HIP1: variants seen among roughly 807,000 people sequenced by gnomAD.
The protein encoded by HIP1 is huntingtin interacting protein 1, also known as huntingtin-interacting protein 1.
Under a neutral mutation model 147.6 loss-of-function variants are expected in HIP1, and 65 were observed. That is an observed-to-expected ratio of 0.44 (90% CI 0.36 to 0.54). The LOEUF is 0.54. Among genes scored for constraint, HIP1 ranks in the 20% least tolerant of loss-of-function variants. The pLI is 0.00. For synonymous variants in HIP1, 479 were observed against 504.0 expected (o/e 0.95, Z 0.67); for missense variants, 1,061 against 1,299.6 (o/e 0.82, Z 2.82).
chr7:75,617,361 G>A (rs937330323), intron 1 of HIP1, among the ~76,000 whole-genome samples: 8 of 151,916 alleles, frequency 5.3e-5, no homozygotes, highest in Non-Finnish European at 8.8e-5. Context: ...TTACAAGCGT[G>A]AGCCACCGCA....
chr7:75,678,003 T>C (rs1799952354), intron 1 of HIP1, among the ~76,000 whole-genome samples: 2 of 152,096 alleles, frequency 1.3e-5, no homozygotes, highest in African/African-American at 2.4e-5. Context: ...TCACTATTTT[T>C]TCTCTGTCTT....
Position 75,558,148 on chromosome 7 carries a change from C to T in HIP1, c.1464+19G>A. On this transcript the variant is annotated intron_variant, in intron 15 of 30. Coordinates refer to ENST00000336926, the MANE Select transcript of HIP1 (RefSeq NM_005338.7). ...AGGTGCAGGGCCTGCAGGATGGTGA[C>T]AGGGGCTGAGGGTCTTACCTTCCGC... 6.2e-7 allele frequency: 1 copy of T among 1,605,918 alleles called. No individual in the cohort carries two copies. Among genetic ancestry groups the T allele is most frequent in the East Asian group, 2.2e-5 (1 of 44,850 alleles).
chr7:75,573,482 C>A (rs1236367364), intron 8 of HIP1, among the ~76,000 whole-genome samples: 4 of 152,188 alleles, frequency 2.6e-5, no homozygotes, highest in African/African-American at 9.6e-5. Flanking sequence ...CGGGCAAAGG[C>A]ACCACTGGCC....
At chr7:75,577,612 C>G (rs1158247834) in intron 7 of HIP1, among the ~76,000 whole-genome samples, 1 of 152,118 alleles carries the variant, frequency 6.6e-6, no homozygotes, top group Non-Finnish European at 1.5e-5. Flanking sequence ...TGGTTGAGGG[C>G]CTGCTATTCA....
chr7:75,558,359 G>A, intron 14 of HIP1, 104 bp from the exon 15 acceptor site: 1 of 887,988 alleles, frequency 1.1e-6, no homozygotes, highest in Admixed American at 1.8e-5. Context: ...TTTGTTTTGA[G>A]ACAGTCTTGC....
chr7:75,622,867 ATC>A lies in HIP1; in HGVS notation c.121-23622_121-23621del, dbSNP rs1554507390. Among the ~76,000 whole-genome samples, 173 of 116,440 alleles carry A rather than the reference ATC, an allele frequency of 1.5e-3. 1 individual carries two copies. Among genetic ancestry groups the A allele is most frequent in the African/African-American group, 8.1e-3 (168 of 20,770 alleles). The allele number at this position is 116,440 out of a possible 152,430, so 76.4% of individuals were successfully genotyped here. ...TAAATAATTATCTATCTATCTATCT[ATC>A]TATCTATCTATCTATCTATCTATCT... On this transcript the variant is annotated intron_variant, in intron 1 of 30. Transcript: ENST00000336926.
At chr7:75,622,150 G>A (rs1345076321) in intron 1 of HIP1, among the ~76,000 whole-genome samples, 2 of 151,958 alleles carry the variant, frequency 1.3e-5, no homozygotes, top group African/African-American at 4.8e-5. Flanking sequence ...ATGTGGTGGT[G>A]CACGCCACCC....
At chr7:75,713,844 G>C (rs147031566) in intron 1 of HIP1, among the ~76,000 whole-genome samples, 2,722 of 151,558 alleles carry the variant, frequency 0.018, 76 homozygotes, top group African/African-American at 0.063. Context: ...GGGACTACAG[G>C]CGTGCACCAC....
intron 1 of HIP1, among the ~76,000 whole-genome samples, chr7:75,734,627 A>C (rs1218863047): frequency 6.6e-6 from 1 of 151,950 alleles, no homozygotes; most frequent in Non-Finnish European, 1.5e-5. Flanking sequence ...CCACAGAGAG[A>C]AATGATGCCA....
chr7:75,574,000 C>CGATT, intron 7 of HIP1, 99 bp from the exon 8 acceptor site: 1 of 962,958 alleles, frequency 1.0e-6, no homozygotes, highest in East Asian at 2.5e-5. Flanking sequence ...CACCAAGGAC[C>CGATT]GATTCTGTGC....
chr7:75,674,902 G>C (rs1799845666), intron 1 of HIP1, among the ~76,000 whole-genome samples: 1 of 151,972 alleles, frequency 6.6e-6, no homozygotes, highest in East Asian at 1.9e-4. Flanking sequence ...TGACTATGAC[G>C]TGTCTTGGTG....
intron 1 of HIP1, among the ~76,000 whole-genome samples, chr7:75,610,252 A>G (rs1181546061): frequency 6.9e-6 from 1 of 143,890 alleles, no homozygotes; most frequent in Non-Finnish European, 1.5e-5. Context: ...TCTGTCACCC[A>G]GGCTGGTGTG....
intron 5 of HIP1, among the ~76,000 whole-genome samples, chr7:75,583,454 G>A (rs966631081): frequency 6.6e-6 from 1 of 152,126 alleles, no homozygotes. Flanking sequence ...TTAACCCATA[G>A]AGAGTGTCTT....
At chr7:75,595,255 C>CTTT (rs1491555852) in intron 2 of HIP1, among the ~76,000 whole-genome samples, 1,300 of 67,606 alleles carry the variant, frequency 0.019, 21 homozygotes, top group East Asian at 0.034. Flanking sequence ...TTTCTTTCTT[C>CTTT]CTTCCTTCCT....
Position 75,557,659 on chromosome 7 carries a change from G to C in HIP1, c.1576C>G (p.Arg526Gly). ...SLERISDQGQ[R>G]KTQEQLEVLE... ...GTGCTCCTCGTCCCACTCACCTTCC[G>C]CTGGCCCTGGTCACTGATGCGCTCC... The change falls in exon 16 of 31, where the codon CGG (arginine) becomes GGG (glycine). Residue 526 changes from arginine (R) to glycine (G), a missense_variant. Physicochemically the swap from Arg to Gly is moderately radical, Grantham distance 125. Around this residue, in one of 3 missense-constraint regions of HIP1, gnomAD observed 810 missense variants for 946.8 expected, o/e 0.86. Coordinates refer to ENST00000336926, the MANE Select transcript of HIP1 (RefSeq NM_005338.7). 1 of 1,610,544 alleles carries C rather than the reference G, an allele frequency of 6.2e-7. No homozygotes were observed. The highest frequency in any genetic ancestry group is 8.5e-7 in the Non-Finnish European group (1 of 1,177,300).
At chr7:75,615,776 A>T (rs1013656459) in intron 1 of HIP1, among the ~76,000 whole-genome samples, 2 of 151,838 alleles carry the variant, frequency 1.3e-5, no homozygotes, top group Non-Finnish European at 2.9e-5. Context: ...TCTGTCTCAA[A>T]AAACAAAAAC....
intron 1 of HIP1, among the ~76,000 whole-genome samples, chr7:75,720,801 G>A (rs1050531491): frequency 2.6e-5 from 4 of 152,042 alleles, no homozygotes; most frequent in Non-Finnish European, 5.9e-5. Flanking sequence ...CACTTTGAGA[G>A]GCCGAGGTGG....
At position 75,536,014 on chromosome 7, in the gene HIP1, A is replaced by T; in HGVS notation, c.*2158T>A. ...CAGGCGTGAGCCACTGTGCCCGGCC[A>T]CCCCTTGGTAATTGGGAACATATGA... On this transcript the variant is annotated 3_prime_UTR_variant, in exon 31 of 31. Transcript: ENST00000336926. The T allele has an allele frequency of 5.5e-6, 1 of 181,086 alleles. No homozygotes were observed. Among genetic ancestry groups the T allele is most frequent in the East Asian group, 9.0e-5 (1 of 11,074 alleles). The allele number at this position is 181,086 out of a possible 1,614,324, so 11.2% of individuals were successfully genotyped here.
intron 22 of HIP1, among the ~76,000 whole-genome samples, chr7:75,553,150 C>G (rs1187207872): frequency 6.6e-6 from 1 of 152,102 alleles, no homozygotes; most frequent in Non-Finnish European, 1.5e-5. Context: ...GTTGGCCAGG[C>G]TGGTCTCTAG....
Sources: gnomAD v4.1 joint callset for allele counts (sites outside exome capture counted in the v4.1 genomes callset) on GRCh38, gnomAD v4.1.1 for gene constraint, gnomAD v4.1.1 regional missense constraint, MANE v1.5 for transcripts, NCBI Gene and HGNC (gene_info 2026-07-23, HGNC 2026-07-21) for gene names.